SCMH1: variants seen among roughly 807,000 people sequenced by gnomAD.
SCMH1 encodes the protein Scm polycomb group protein homolog 1, also known as polycomb protein SCMH1.
In SCMH1, 37 loss-of-function variants were observed where a neutral mutation model predicts 70.8. The ratio of observed to expected loss-of-function variants is 0.52; its 90% CI spans 0.40 to 0.69. The LOEUF (loss-of-function observed/expected upper bound fraction) is 0.69. SCMH1 is among the 30% of genes least tolerant of loss of function. The pLI is 0.00. For synonymous variants in SCMH1, 292 were observed against 307.4 expected (o/e 0.95, Z 0.52); for missense variants, 607 against 827.3 (o/e 0.73, Z 3.27).
chr1:41,174,243 A>G (rs948297050), intron 2 of SCMH1, among the ~76,000 whole-genome samples: 1 of 151,060 alleles, frequency 6.6e-6, no homozygotes, highest in African/African-American at 2.4e-5. Flanking sequence ...ATAACAGACA[A>G]AACCAAAAAA....
chr1:41,179,092 C>T (rs1253184574), intron 2 of SCMH1, among the ~76,000 whole-genome samples: 4 of 152,078 alleles, frequency 2.6e-5, no homozygotes, highest in Admixed American at 6.6e-5. Flanking sequence ...CACTCAAAAC[C>T]GCTCAACTAC....
Position 41,113,535 on chromosome 1 carries a change from G to A in SCMH1, c.502-9C>T, listed in dbSNP as rs774500791. 1.2e-5 allele frequency: 20 copies of A among 1,609,534 alleles called. No homozygotes were observed. In the Admixed American group the frequency reaches 3.4e-4, roughly 27 times the overall value. ...GAAGGCGATGGTGGCTCCTAGATGA[G>A]AAACAGAAACATACACACCTAGACA... On this transcript the variant is annotated splice_polypyrimidine_tract_variant and intron_variant, in intron 7 of 14. Transcript: ENST00000337495. The surrounding 1 kb of genome is among the most constrained non-coding windows in gnomAD (Gnocchi z 4.3).
chr1:41,116,410 C>A (rs1670477512), intron 7 of SCMH1, among the ~76,000 whole-genome samples: 1 of 152,188 alleles, frequency 6.6e-6, no homozygotes, highest in African/African-American at 2.4e-5. Context: ...CGCTTACTAG[C>A]CACGTGATCT....
At chr1:41,213,738 C>G (rs1363086886) in intron 1 of SCMH1, among the ~76,000 whole-genome samples, 2 of 152,104 alleles carry the variant, frequency 1.3e-5, no homozygotes, top group African/African-American at 2.4e-5. Flanking sequence ...GTTTTCATTT[C>G]TTTATGAAGC....
chr1:41,120,427 G>A (rs1359169099), intron 6 of SCMH1, among the ~76,000 whole-genome samples: 2 of 152,130 alleles, frequency 1.3e-5, no homozygotes, highest in African/African-American at 4.8e-5. Flanking sequence ...ACTCAGAGAA[G>A]CAGCTTGTCT....
At chr1:41,063,014 A>G (rs1653308598) in intron 10 of SCMH1, among the ~76,000 whole-genome samples, 1 of 152,154 alleles carries the variant, frequency 6.6e-6, no homozygotes, top group African/African-American at 2.4e-5. Flanking sequence ...AGGGTGACTT[A>G]TAGCACTGAA....
At chr1:41,132,533 G>T (rs529863787) in intron 6 of SCMH1, among the ~76,000 whole-genome samples, 4 of 152,284 alleles carry the variant, frequency 2.6e-5, no homozygotes, top group African/African-American at 9.6e-5. Flanking sequence ...TTGCTGTGCA[G>T]AAGTTCTTTA....
chr1:41,117,619 G>C (rs1306478850), intron 6 of SCMH1, among the ~76,000 whole-genome samples: 1 of 152,206 alleles, frequency 6.6e-6, no homozygotes, highest in Non-Finnish European at 1.5e-5. Context: ...GTGATGCTGT[G>C]CTTCAGTGGT....
intron 8 of SCMH1, among the ~76,000 whole-genome samples, chr1:41,103,589 A>G (rs1667146080): frequency 6.6e-6 from 1 of 152,228 alleles, no homozygotes; most frequent in Non-Finnish European, 1.5e-5. Context: ...AGCTTGCCAA[A>G]AAAACCCTAT....
At chr1:41,156,249 ATTCCTT>A (rs1268454991) in intron 4 of SCMH1, among the ~76,000 whole-genome samples, 2 of 152,174 alleles carry the variant, frequency 1.3e-5, no homozygotes, top group Non-Finnish European at 2.9e-5. Flanking sequence ...TTCTGGCCAC[ATTCCTT>A]TACAAGAACT....
intron 2 of SCMH1, among the ~76,000 whole-genome samples, chr1:41,174,604 A>G (rs538173499): frequency 6.6e-6 from 1 of 152,346 alleles, no homozygotes; most frequent in East Asian, 1.9e-4. Context: ...ACAAGAAAAA[A>G]AAATTGAATA....
intron 1 of SCMH1, among the ~76,000 whole-genome samples, chr1:41,210,606 G>A (rs1306259213): frequency 3.9e-5 from 6 of 152,146 alleles, no homozygotes; most frequent in African/African-American, 1.4e-4. Flanking sequence ...AAGAAATAGG[G>A]GAAGGATTCC....
rs144842644 is a variant in SCMH1 at position 41,039,929 on chromosome 1, T to C, written c.1499-2388A>G. Among the ~76,000 whole-genome samples the C allele has an allele frequency of 1.2e-3, 170 of 146,484 alleles. 1 individual carries two copies. The highest frequency in any genetic ancestry group is 4.2e-3 in the African/African-American group (162 of 38,858). On this transcript the variant is annotated intron_variant, in intron 12 of 14. Coordinates refer to ENST00000337495, the Ensembl canonical transcript of SCMH1. Reference sequence around the variant, plus strand: ...CTGGAGTGTATACAAATTTTATATATAATTTTACCTTTGCCAAAAAACTTT... The same window carrying C: ...CTGGAGTGTATACAAATTTTATATACAATTTTACCTTTGCCAAAAAACTTT...
chr1:41,174,137 C>G (rs12043658), intron 2 of SCMH1, among the ~76,000 whole-genome samples: 1 of 151,972 alleles, frequency 6.6e-6, no homozygotes, highest in African/African-American at 2.4e-5. Flanking sequence ...GATTGATATA[C>G]TAATTACCAA....
At chr1:41,029,681 A>G (rs755277029) in intron 13 of SCMH1, among the ~76,000 whole-genome samples, 4 of 152,128 alleles carry the variant, frequency 2.6e-5, no homozygotes, top group East Asian at 1.9e-4. Context: ...TCTGCTTGGA[A>G]TCTGTCCCCT....
At chr1:41,169,803 C>T (rs748306278) in intron 2 of SCMH1, among the ~76,000 whole-genome samples, 49 of 152,110 alleles carry the variant, frequency 3.2e-4, no homozygotes, top group Non-Finnish European at 6.3e-4. Context: ...GCTTCTGCAC[C>T]CGTATAAATC....
At chr1:41,107,946 A>G (rs1668403158) in intron 8 of SCMH1, among the ~76,000 whole-genome samples, 1 of 152,242 alleles carries the variant, frequency 6.6e-6, no homozygotes, top group Non-Finnish European at 1.5e-5. Flanking sequence ...AAATAAAAAA[A>G]GGAAAAGATA....
At chr1:41,126,279 A>C (rs1673162688) in intron 6 of SCMH1, among the ~76,000 whole-genome samples, 1 of 152,210 alleles carries the variant, frequency 6.6e-6, no homozygotes. Flanking sequence ...TTCTATGTTA[A>C]AATTTTATTT....
At chr1:41,093,520 T>C (rs1664241034) in intron 8 of SCMH1, among the ~76,000 whole-genome samples, 1 of 152,144 alleles carries the variant, frequency 6.6e-6, no homozygotes, top group African/African-American at 2.4e-5. Context: ...TAAAGTATAA[T>C]AATAATAAAA....
Sources: allele counts gnomAD v4.1 joint callset (sites outside exome capture counted in the v4.1 genomes callset), GRCh38; gene constraint gnomAD v4.1.1; non-coding constraint Gnocchi (gnomAD v3.1); transcripts MANE v1.5; gene names NCBI Gene and HGNC (gene_info 2026-07-23, HGNC 2026-07-21).